Variants in NCAPD3 observed in about 807,000 individuals in gnomAD.
The protein encoded by NCAPD3 is condensin-2 complex subunit D3.
Under a neutral mutation model 182.9 loss-of-function variants are expected in NCAPD3, and 105 were observed. That is an observed-to-expected ratio of 0.57 (90% CI 0.49 to 0.68). The LOEUF (loss-of-function observed/expected upper bound fraction) is 0.68. Ranked by LOEUF, NCAPD3 falls within the 30% of genes least tolerant of loss-of-function variation. The pLI is 0.00. For synonymous variants in NCAPD3, 815 were observed against 679.9 expected (o/e 1.20, Z -3.09); for missense variants, 1,944 against 1,837.0 (o/e 1.06, Z -1.07).
Position 134,174,989 on chromosome 11 carries a change from C to T in NCAPD3, c.3101+1318G>A, listed in dbSNP as rs190554318. Among the ~76,000 whole-genome samples the T allele has an allele frequency of 1.9e-3, 285 of 152,254 alleles. 2 individuals are homozygous for T. Among genetic ancestry groups the T allele is most frequent in the African/African-American group, 6.7e-3 (279 of 41,550 alleles). On this transcript the variant is annotated intron_variant, in intron 24 of 34. Transcript: ENST00000534548. ...GTCTACATTTGAACCATGGTTTCAA[C>T]AAACCCAGGATGCGGACATAAAAGG...
intron 32 of NCAPD3, among the ~76,000 whole-genome samples, chr11:134,154,641 C>A (rs1239881910): frequency 8.4e-6 from 1 of 119,614 alleles, no homozygotes; most frequent in African/African-American, 3.2e-5. Flanking sequence ...TGGTGCTGTA[C>A]CCAGTGCATA....
chr11:134,186,788 CATA>C (rs758294041), intron 16 of NCAPD3, among the ~76,000 whole-genome samples: 140 of 152,130 alleles, frequency 9.2e-4, no homozygotes, highest in Non-Finnish European at 6.8e-4. Context: ...ATCTATATAC[CATA>C]ATAAGCATAT....
At chr11:134,218,779 T>C (rs1470728959) in intron 2 of NCAPD3, among the ~76,000 whole-genome samples, 1 of 152,148 alleles carries the variant, frequency 6.6e-6, no homozygotes, top group African/African-American at 2.4e-5. Context: ...TTCCCAAAAT[T>C]GTAACTCCGG....
intron 27 of NCAPD3, among the ~76,000 whole-genome samples, chr11:134,167,050 CACT>C (rs1565525970): frequency 9.3e-6 from 1 of 108,076 alleles, no homozygotes; most frequent in Non-Finnish European, 1.8e-5. Flanking sequence ...GCTGCACACT[CACT>C]AGTGAGATGA....
chr11:134,200,829 G>A (rs1944731777), intron 13 of NCAPD3, among the ~76,000 whole-genome samples: 1 of 152,060 alleles, frequency 6.6e-6, no homozygotes, highest in Admixed American at 6.6e-5. Flanking sequence ...CAACCCAAAT[G>A]TTCATCAACT....
rs56807520 is a variant in NCAPD3, at chr11:134,212,375, T to TTGTGTGTGTGTGTGTGTGTG, written c.383-1941_383-1922dup. Among the ~76,000 whole-genome samples, 525 of 143,260 alleles carry TTGTGTGTGTGTGTGTGTGTG rather than the reference T, an allele frequency of 3.7e-3. 2 individuals carry two copies. The highest frequency in any genetic ancestry group is 9.1e-3 in the South Asian group (40 of 4,386). The allele number at this position is 143,260 out of a possible 152,430, so 94.0% of individuals were successfully genotyped here. A position where few individuals can be genotyped will look rare whatever the true frequency, so the allele number is the denominator to read the frequency against. ...AAAGGAAAATATACTTTTTGTTGTT[T>TTGTGTGTGTGTGTGTGTGTG]TGTGTGTGTGTGTGTGTGTGTGTGT... On this transcript the variant is annotated intron_variant, in intron 3 of 34. Coordinates refer to ENST00000534548, the MANE Select transcript of NCAPD3 (RefSeq NM_015261.3).
At chr11:134,165,462 CAT>C (rs1491421490) in intron 27 of NCAPD3, among the ~76,000 whole-genome samples, 7 of 140,398 alleles carry the variant, frequency 5.0e-5, no homozygotes, top group Non-Finnish European at 7.6e-5. Flanking sequence ...GTGGCACACT[CAT>C]GAGATGAGCT....
chr11:134,202,694 T>C (rs1168309298), intron 13 of NCAPD3, 122 bp downstream of exon 13: 2 of 704,242 alleles, frequency 2.8e-6, no homozygotes, highest in Admixed American at 6.4e-5. Flanking sequence ...CAGCCAGCTG[T>C]TTCAACTCTT....
chr11:134,190,246 T>C (rs958488102), intron 16 of NCAPD3, among the ~76,000 whole-genome samples: 1 of 152,150 alleles, frequency 6.6e-6, no homozygotes, highest in Non-Finnish European at 1.5e-5. Context: ...GCATCTCTAA[T>C]CTCCTCCTAT....
chr11:134,190,508 A>G (rs1944502039), intron 16 of NCAPD3, among the ~76,000 whole-genome samples: 1 of 151,834 alleles, frequency 6.6e-6, no homozygotes, highest in African/African-American at 2.4e-5. Flanking sequence ...TTTTTTTGAG[A>G]TGAGGTCTTG....
intron 1 of NCAPD3, among the ~76,000 whole-genome samples, chr11:134,222,096 T>C (rs1273273966): frequency 6.6e-6 from 1 of 152,216 alleles, no homozygotes; most frequent in Non-Finnish European, 1.5e-5. Context: ...TTATCTACCA[T>C]TTGGTCACAG....
intron 16 of NCAPD3, among the ~76,000 whole-genome samples, chr11:134,187,166 C>T (rs1944426244): frequency 6.6e-6 from 1 of 152,086 alleles, no homozygotes; most frequent in Admixed American, 6.6e-5. Flanking sequence ...TAACTTCTAT[C>T]TTAGTACCAA....
intron 32 of NCAPD3, among the ~76,000 whole-genome samples, chr11:134,155,538 C>T (rs1271294532): frequency 6.6e-6 from 1 of 152,164 alleles, no homozygotes; most frequent in African/African-American, 2.4e-5. Context: ...CAGCACAAAG[C>T]GTGGCTCCAC....
At position 134,169,158 on chromosome 11, in the gene NCAPD3, G is replaced by GT. The variant is rs761325581; in HGVS notation, c.3102-105dup. On this transcript the variant is annotated intron_variant, in intron 24 of 34. Coordinates refer to ENST00000534548, the MANE Select transcript of NCAPD3 (RefSeq NM_015261.3). ...GAGCAGAGGAGAGCTGTACATAAGCGTAGGGATTCAAAATCTATCCCAATA... is the reference window on the plus strand; with the variant it reads ...GAGCAGAGGAGAGCTGTACATAAGCGTTAGGGATTCAAAATCTATCCCAATA... 1.8e-5 allele frequency: 21 copies of GT among 1,150,546 alleles called. No homozygotes were observed. The East Asian group carries it at 5.4e-4, about 30-fold the overall frequency. The allele number at this position is 1,150,546 out of a possible 1,614,324, so 71.3% of individuals were successfully genotyped here. A position where few individuals can be genotyped will look rare whatever the true frequency, so the allele number is the denominator to read the frequency against.
chr11:134,182,287 T>C (rs1373705385), intron 19 of NCAPD3, among the ~76,000 whole-genome samples: 1 of 152,232 alleles, frequency 6.6e-6, no homozygotes, highest in African/African-American at 2.4e-5. Context: ...ACAGGGGACA[T>C]GCTCTGGGGC....
At chr11:134,162,704 G>T (rs1003346567) in intron 27 of NCAPD3, among the ~76,000 whole-genome samples, 1 of 152,212 alleles carries the variant, frequency 6.6e-6, no homozygotes, top group African/African-American at 2.4e-5. Flanking sequence ...CAGATGTTAT[G>T]TTCAGGAATA....
intron 1 of NCAPD3, among the ~76,000 whole-genome samples, chr11:134,222,838 T>TA (rs1938284716): frequency 6.6e-6 from 1 of 152,234 alleles, no homozygotes. Flanking sequence ...ACAAAATTGT[T>TA]ACAGTGTTTG....
At chr11:134,168,839 T>C in intron 25 of NCAPD3, 78 bp downstream of exon 25, 2 of 1,526,022 alleles carry the variant, frequency 1.3e-6, no homozygotes, top group African/African-American at 1.4e-5. Context: ...AATCACTACA[T>C]GCAAAGAGCC....
intron 32 of NCAPD3, chr11:134,153,795 G>A (rs1046363653): frequency 8.2e-5 from 18 of 218,592 alleles, no homozygotes; most frequent in African/African-American, 2.5e-4. Flanking sequence ...GAGCATGCGC[G>A]CTGGAAATAT....
Sources: gnomAD v4.1 joint callset for allele counts (sites outside exome capture counted in the v4.1 genomes callset) on GRCh38, gnomAD v4.1.1 for gene constraint, MANE v1.5 for transcripts, NCBI Gene and HGNC (gene_info 2026-07-23, HGNC 2026-07-21) for gene names.